CSNK1A1: variants seen among roughly 807,000 people sequenced by gnomAD.
CSNK1A1 encodes the protein casein kinase I isoform alpha.
A neutral mutation model predicts 46.1 loss-of-function variants in CSNK1A1; 7 were observed. The observed-to-expected ratio is 0.15, with a 90% CI of 0.09 to 0.29. CSNK1A1 has a LOEUF of 0.29. Ranked by LOEUF, CSNK1A1 falls within the 10% of genes least tolerant of loss-of-function variation. The pLI is 1.00. For synonymous variants in CSNK1A1, 137 were observed against 141.5 expected, an observed-to-expected ratio of 0.97 and a Z score of 0.23; for missense variants, 96 against 417.1, an observed-to-expected ratio of 0.23 and a Z score of 6.71.
At chr5:149,512,100 A>G (rs537290493) in intron 5 of CSNK1A1, among the ~76,000 whole-genome samples, 6 of 152,244 alleles carry the variant, frequency 3.9e-5, no homozygotes, top group African/African-American at 1.4e-4. Flanking sequence ...CTGTCTTACA[A>G]TTTAATTTTA....
At chr5:149,547,716 A>G (rs1157203098) in intron 2 of CSNK1A1, among the ~76,000 whole-genome samples, 3 of 152,146 alleles carry the variant, frequency 2.0e-5, no homozygotes, top group Non-Finnish European at 2.9e-5. Context: ...CTTCAAATCT[A>G]TATCATCTCA....
intron 3 of CSNK1A1, among the ~76,000 whole-genome samples, chr5:149,522,446 T>C (rs1342030125): frequency 6.6e-6 from 1 of 152,222 alleles, no homozygotes; most frequent in Non-Finnish European, 1.5e-5. Flanking sequence ...TTAGAAGTTG[T>C]ATTTTTAAAT....
At chr5:149,536,371 T>C (rs1762062960) in intron 2 of CSNK1A1, among the ~76,000 whole-genome samples, 1 of 152,226 alleles carries the variant, frequency 6.6e-6, no homozygotes, top group Non-Finnish European at 1.5e-5. Flanking sequence ...CACTTCCCCC[T>C]ACTTTGCATT....
Position 149,551,016 on chromosome 5 carries a change from A to G in CSNK1A1, c.-52T>C. 2 of 1,609,098 alleles carry G rather than the reference A, an allele frequency of 1.2e-6. No individual in the cohort carries two copies. Among genetic ancestry groups the G allele is most frequent in the Non-Finnish European group, 1.7e-6 (2 of 1,177,868 alleles). Reference sequence around the variant, plus strand: ...GCCAAGCCCCGACACCTCTGGGAAGAGGACGGAGGCCTCGGGGCTCCTACA... The same window carrying G: ...GCCAAGCCCCGACACCTCTGGGAAGGGGACGGAGGCCTCGGGGCTCCTACA... On this transcript the variant is annotated 5_prime_UTR_variant, in exon 1 of 10. Transcript: ENST00000377843.
chr5:149,550,788 G>C lies in CSNK1A1; in HGVS notation c.123+54C>G. On this transcript the variant is annotated intron_variant, in intron 1 of 9. Transcript: ENST00000377843. The surrounding 1 kb of genome is among the most constrained non-coding windows in gnomAD (Gnocchi z 4.3). The stretch of plus-strand genomic sequence containing the variant: ...CACTTTGGGGGTGCACGGTGGTGGT[G>C]GGGGGAATGAGTAAAAGCGCAGCGT... 2 of 1,610,402 alleles carry C rather than the reference G, an allele frequency of 1.2e-6. No individual in the cohort carries two copies. Among genetic ancestry groups the C allele is most frequent in the Non-Finnish European group, 1.7e-6 (2 of 1,177,686 alleles).
rs1561772472 is a variant in CSNK1A1 at position 149,542,635 on chromosome 5, TA to T, written c.230+7439del. Reference sequence around the variant, plus strand: ...ATATATATATATATATATATATATATATATGTATATATATATATATATATAT... The same window carrying T: ...ATATATATATATATATATATATATATTATGTATATATATATATATATATAT... On this transcript the variant is annotated intron_variant, in intron 2 of 9. Transcript: ENST00000377843. 8.3e-3 allele frequency among the ~76,000 whole-genome samples: 99 copies of T among 11,998 alleles called. 13 individuals are homozygous for T. Among genetic ancestry groups the T allele is most frequent in the Middle Eastern group, 0.04 (2 of 50 alleles). The allele number at this position is 11,998 out of a possible 152,430, so 7.9% of individuals were successfully genotyped here.
At chr5:149,504,264 C>G (rs1406645148) in intron 9 of CSNK1A1, 3 of 985,348 alleles carry the variant, frequency 3.0e-6, no homozygotes, top group Non-Finnish European at 3.6e-6. Flanking sequence ...AGCATCTCAA[C>G]TTCATTCCTA....
rs2113088747 is a variant in CSNK1A1, at chr5:149,511,956, G to A, written c.597-84C>T. Reference sequence around the variant, plus strand: ...AGAAAGTCAAGTACCCAGAAGAAATGTTCCCAAATGAGGAGGGAACACTAT... The same window carrying A: ...AGAAAGTCAAGTACCCAGAAGAAATATTCCCAAATGAGGAGGGAACACTAT... On this transcript the variant is annotated intron_variant, in intron 5 of 9. Coordinates refer to ENST00000377843, the MANE Select transcript of CSNK1A1 (RefSeq NM_001892.6). The A allele has an allele frequency of 9.8e-6, 10 of 1,020,736 alleles. No homozygotes were observed. In the South Asian group the frequency reaches 1.5e-4, roughly 15 times the overall value. 63.2% of individuals were successfully genotyped at this position (1,020,736 alleles called of 1,614,324 possible).
intron 9 of CSNK1A1, 170 bp from the exon 10 acceptor site, chr5:149,497,030 T>C: frequency 7.0e-7 from 1 of 1,427,112 alleles, no homozygotes. Context: ...AAAACATGAA[T>C]CTATACTTAA....
chr5:149,525,307 C>G lies in CSNK1A1; in HGVS notation c.231-136G>C. 1 of 919,406 alleles carries G rather than the reference C, an allele frequency of 1.1e-6. No homozygotes were observed. The highest frequency in any genetic ancestry group is 1.5e-6 in the Non-Finnish European group (1 of 654,550). 57.0% of individuals were successfully genotyped at this position (919,406 alleles called of 1,614,324 possible). A position where few individuals can be genotyped will look rare whatever the true frequency, so the allele number is the denominator to read the frequency against. The stretch of plus-strand genomic sequence containing the variant: ...ATGTTCCCCTACTCAGAAGACAAAC[C>G]CACTAATTAACTACAAGGCCCAAAG... On this transcript the variant is annotated intron_variant, in intron 2 of 9. Coordinates refer to ENST00000377843, the MANE Select transcript of CSNK1A1 (RefSeq NM_001892.6). The surrounding 1 kb of genome is among the most constrained non-coding windows in gnomAD (Gnocchi z 4.2).
In CSNK1A1 at chr5:149,525,213, ATTAC is replaced by A. The variant is rs1339235179; in HGVS notation, c.231-46_231-43del. The stretch of plus-strand genomic sequence containing the variant: ...AGAAGAGAGGATATTACAAAAAGCT[ATTAC>A]TTAATATCATCAACCCTAAGAATAA... On this transcript the variant is annotated intron_variant, in intron 2 of 9. Transcript: ENST00000377843. The surrounding 1 kb of genome is among the most constrained non-coding windows in gnomAD (Gnocchi z 4.2). 1 of 1,528,922 alleles carries A rather than the reference ATTAC, an allele frequency of 6.5e-7. No individual in the cohort carries two copies. Among genetic ancestry groups the A allele is most frequent in the African/African-American group, 1.4e-5 (1 of 71,470 alleles). 94.7% of individuals were successfully genotyped at this position (1,528,922 alleles called of 1,614,324 possible). A position where few individuals can be genotyped will look rare whatever the true frequency, so the allele number is the denominator to read the frequency against.
At chr5:149,504,778 A>C in intron 9 of CSNK1A1, 2 of 985,448 alleles carry the variant, frequency 2.0e-6, no homozygotes, top group Non-Finnish European at 1.2e-6. Flanking sequence ...AAAAACAAAG[A>C]AATCGTTTTG....
rs2279019 is a variant in CSNK1A1, at chr5:149,551,313, G to T, written c.-349C>A. The T allele has an allele frequency of 4.1e-5, 10 of 244,340 alleles. No individual in the cohort carries two copies. The highest frequency in any genetic ancestry group is 8.1e-5 in the Non-Finnish European group (10 of 123,098). 15.1% of individuals were successfully genotyped at this position (244,340 alleles called of 1,614,324 possible). A position where few individuals can be genotyped will look rare whatever the true frequency, so the allele number is the denominator to read the frequency against. ...CGGCGATACCGCTGCCACCACTGCC[G>T]CCGGCTCCGGCCCAGAGGGACCCCT... On this transcript the variant is annotated 5_prime_UTR_variant, in exon 1 of 10. Coordinates refer to ENST00000377843, the MANE Select transcript of CSNK1A1 (RefSeq NM_001892.6).
intron 7 of CSNK1A1, among the ~76,000 whole-genome samples, chr5:149,508,502 T>C (rs1468915788): frequency 3.0e-4 from 45 of 152,372 alleles, no homozygotes; most frequent in African/African-American, 2.4e-5. Context: ...TGAAAGACCA[T>C]ATGGCCTTCT....
At chr5:149,541,596 C>T (rs568400821) in intron 2 of CSNK1A1, among the ~76,000 whole-genome samples, 5 of 152,310 alleles carry the variant, frequency 3.3e-5, no homozygotes, top group African/African-American at 1.2e-4. Context: ...TCATTCTTGA[C>T]AGCAAAAATC....
intron 2 of CSNK1A1, chr5:149,549,255 C>T (rs576655322): frequency 5.9e-6 from 3 of 507,734 alleles, no homozygotes; most frequent in Non-Finnish European, 1.1e-5. Context: ...TGGTGCTGCT[C>T]AAACTGCCTT....
rs1322914430 is a variant in CSNK1A1, at chr5:149,493,908, T to A, written c.*2945A>T. ...AAATAATGCTTTATACCAGTTTGAG[T>A]CAGAACCAGACTGTTCCAGACTAGT... On this transcript the variant is annotated 3_prime_UTR_variant, in exon 10 of 10. Coordinates refer to ENST00000377843, the MANE Select transcript of CSNK1A1 (RefSeq NM_001892.6). The A allele has an allele frequency of 1.3e-5, 2 of 152,160 alleles. No individual in the cohort carries two copies. The highest frequency in any genetic ancestry group is 4.8e-5 in the African/African-American group (2 of 41,444). 9.4% of individuals were successfully genotyped at this position (152,160 alleles called of 1,614,324 possible).
At chr5:149,534,564 A>G (rs541766697) in intron 2 of CSNK1A1, among the ~76,000 whole-genome samples, 1 of 150,816 alleles carries the variant, frequency 6.6e-6, no homozygotes, top group South Asian at 2.1e-4. Context: ...TGCCTGGATT[A>G]TTGTATTAGC....
At chr5:149,519,073 A>T (rs931085029) in intron 4 of CSNK1A1, among the ~76,000 whole-genome samples, 1 of 152,188 alleles carries the variant, frequency 6.6e-6, no homozygotes, top group Non-Finnish European at 1.5e-5. Flanking sequence ...GAGAAAAGCT[A>T]TAAAATATTT....
Sources: gnomAD v4.1 joint callset for allele counts (sites outside exome capture counted in the v4.1 genomes callset) on GRCh38, gnomAD v4.1.1 for gene constraint, Gnocchi (gnomAD v3.1) non-coding constraint, MANE v1.5 for transcripts, NCBI Gene and HGNC (gene_info 2026-07-23, HGNC 2026-07-21) for gene names.